The following PSMA1 variants were observed in gnomAD, a reference collection of about 807,000 sequenced individuals.
The protein encoded by PSMA1 is proteasome 20S subunit alpha 1.
Under a neutral mutation model 38.4 loss-of-function variants are expected in PSMA1, and 3 were observed. The ratio of observed to expected loss-of-function variants is 0.08; its 90% CI spans 0.04 to 0.20. PSMA1 has a LOEUF of 0.20. Ranked by LOEUF, PSMA1 falls within the 10% of genes least tolerant of loss-of-function variation. The pLI is 1.00. For missense variants in PSMA1, 227 were observed against 325.3 expected (o/e 0.70, Z 2.32); for synonymous variants, 101 against 107.1 (o/e 0.94, Z 0.35).
chr11:14,572,612 A>T (rs1167202436), intron 2 of PSMA1, among the ~76,000 whole-genome samples: 1 of 152,240 alleles, frequency 6.6e-6, no homozygotes, highest in Non-Finnish European at 1.5e-5. Flanking sequence ...GAACTAGAGA[A>T]GCAAGAGCAA....
intron 1 of PSMA1, among the ~76,000 whole-genome samples, chr11:14,635,301 C>T (rs1173406628): frequency 6.6e-6 from 1 of 152,196 alleles, no homozygotes; most frequent in Non-Finnish European, 1.5e-5. Context: ...CAAAATACAG[C>T]ATTAAAATCT....
intron 2 of PSMA1, among the ~76,000 whole-genome samples, chr11:14,569,687 G>C (rs1852115183): frequency 6.6e-6 from 1 of 152,204 alleles, no homozygotes; most frequent in South Asian, 2.1e-4. Flanking sequence ...GCTGAGGCTT[G>C]AGTAGGCAAA....
At chr11:14,610,953 A>G (rs773453031) in intron 2 of PSMA1, 3 of 1,612,462 alleles carry the variant, frequency 1.9e-6, no homozygotes, top group South Asian at 1.1e-5. Flanking sequence ...TCAAAAAGCA[A>G]AGATATTCTC....
chr11:14,568,492 C>A (rs746614997), intron 2 of PSMA1, among the ~76,000 whole-genome samples: 1 of 152,208 alleles, frequency 6.6e-6, no homozygotes, highest in African/African-American at 2.4e-5. Context: ...CATTGCTAAT[C>A]TATCATAGCT....
intron 2 of PSMA1, among the ~76,000 whole-genome samples, chr11:14,564,100 A>T (rs1479188540): frequency 4.6e-5 from 7 of 152,228 alleles, no homozygotes; most frequent in African/African-American, 1.7e-4. Flanking sequence ...AACTTATAAT[A>T]CAGAACCACA....
intron 5 of PSMA1, 131 bp from the exon 6 acceptor site, chr11:14,514,018 T>C (rs1851387948): frequency 7.3e-7 from 1 of 1,360,910 alleles, no homozygotes; most frequent in African/African-American, 1.5e-5. Flanking sequence ...AATAATGCAA[T>C]AGGACACTAT....
At chr11:14,586,770 C>T (rs901478729) in intron 2 of PSMA1, among the ~76,000 whole-genome samples, 4 of 147,658 alleles carry the variant, frequency 2.7e-5, no homozygotes, top group Non-Finnish European at 6.0e-5. Flanking sequence ...TTCTTTCTTT[C>T]TTTTTTTTTT....
chr11:14,575,520 T>C (rs1852202703), intron 2 of PSMA1, among the ~76,000 whole-genome samples: 1 of 152,128 alleles, frequency 6.6e-6, no homozygotes, highest in African/African-American at 2.4e-5. Flanking sequence ...TTTGGTTTTC[T>C]GTCCTTGGGA....
chr11:14,626,154 T>A (rs1039438960), intron 1 of PSMA1, among the ~76,000 whole-genome samples: 52 of 151,616 alleles, frequency 3.4e-4, no homozygotes, highest in African/African-American at 1.3e-3. Context: ...TTTCCCTATT[T>A]ACAGTTTTTA....
At chr11:14,548,482 A>C (rs1291930056) in intron 2 of PSMA1, among the ~76,000 whole-genome samples, 2 of 152,232 alleles carry the variant, frequency 1.3e-5, no homozygotes, top group African/African-American at 4.8e-5. Flanking sequence ...ACACATGTAT[A>C]GATACAGTAG....
chr11:14,517,838 AT>A (rs1477073357), intron 3 of PSMA1, 41 bp downstream of exon 3: 1 of 1,535,218 alleles, frequency 6.5e-7, no homozygotes, highest in Non-Finnish European at 8.8e-7. Context: ...TGAAATTTAC[AT>A]TGTTTTCTAC....
chr11:14,571,937 A>T (rs893447950), intron 2 of PSMA1, among the ~76,000 whole-genome samples: 53 of 152,336 alleles, frequency 3.5e-4, no homozygotes, highest in Non-Finnish European at 7.5e-4. Flanking sequence ...ATAATGGTAA[A>T]GGGATTAATT....
intron 2 of PSMA1, among the ~76,000 whole-genome samples, chr11:14,592,179 G>A (rs1852424217): frequency 6.6e-6 from 1 of 151,950 alleles, no homozygotes; most frequent in Non-Finnish European, 1.5e-5. Flanking sequence ...AACTCCAGAC[G>A]CGCCACCTTA....
intron 5 of PSMA1, 112 bp from the exon 6 acceptor site, chr11:14,513,999 C>T: frequency 7.3e-7 from 1 of 1,367,264 alleles, no homozygotes; most frequent in South Asian, 2.0e-5. Flanking sequence ...TTGCATAATC[C>T]ACCAGAGAAA....
intron 9 of PSMA1, 76 bp from the exon 10 acceptor site, chr11:14,505,324 C>T (rs1851228151): frequency 9.6e-6 from 12 of 1,244,278 alleles, no homozygotes; most frequent in East Asian, 2.3e-5. Context: ...ACAAATATTA[C>T]GTTATTAAAA....
At chr11:14,507,528 T>C (rs1405307857) in intron 9 of PSMA1, 128 bp downstream of exon 9, 68 of 693,512 alleles carry the variant, frequency 9.8e-5, no homozygotes, top group Middle Eastern at 8.0e-4. Flanking sequence ...GTTCTTAATT[T>C]TCCTGTTGCC....
At chr11:14,543,291 A>G (rs1359289617) in intron 2 of PSMA1, among the ~76,000 whole-genome samples, 3 of 152,190 alleles carry the variant, frequency 2.0e-5, no homozygotes, top group Admixed American at 6.5e-5. Flanking sequence ...TGAGCCCAGG[A>G]GTTCAAATCC....
At chr11:14,572,231 G>A (rs1222183747) in intron 2 of PSMA1, among the ~76,000 whole-genome samples, 7 of 152,002 alleles carry the variant, frequency 4.6e-5, no homozygotes, top group East Asian at 1.9e-4. Context: ...GCACCACATC[G>A]CACTTATTTC....
At chr11:14,580,944 C>A (rs1280696696) in intron 2 of PSMA1, among the ~76,000 whole-genome samples, 1 of 152,116 alleles carries the variant, frequency 6.6e-6, no homozygotes, top group Non-Finnish European at 1.5e-5. Context: ...ATACCAGTGG[C>A]AACACATCAG....
Sources: gnomAD v4.1 joint callset for allele counts (sites outside exome capture counted in the v4.1 genomes callset) on GRCh38, gnomAD v4.1.1 for gene constraint, MANE v1.5 for transcripts, NCBI Gene and HGNC (gene_info 2026-07-23, HGNC 2026-07-21) for gene names.